Variants in GRM3 observed in about 807,000 individuals in gnomAD.
The protein encoded by GRM3 is metabotropic glutamate receptor 3.
Under a neutral mutation model 70.5 loss-of-function variants are expected in GRM3, and 26 were observed. The observed-to-expected ratio is 0.37, with a 90% CI of 0.27 to 0.51. The LOEUF (loss-of-function observed/expected upper bound fraction) is 0.51, where lower values mean the gene tolerates loss of function less well. Ranked by LOEUF, GRM3 falls within the 20% of genes least tolerant of loss-of-function variation. The probability of loss-of-function intolerance (pLI) is 0.93; values close to 1 mark genes in which losing one functional copy is unlikely to be tolerated. For missense variants in GRM3, 859 were observed against 1,123.8 expected, an observed-to-expected ratio of 0.76 and a Z score of 3.37; for synonymous variants, 443 against 434.9, an observed-to-expected ratio of 1.02 and a Z score of -0.23.
intron 3 of GRM3, among the ~76,000 whole-genome samples, chr7:86,825,424 TA>T (rs1047097819): frequency 1.8e-4 from 27 of 152,326 alleles, no homozygotes; most frequent in Admixed American, 5.9e-4. Flanking sequence ...TGTGGTTCAA[TA>T]AGGCAGCCTT....
At chr7:86,822,999 G>T (rs967177627) in intron 3 of GRM3, among the ~76,000 whole-genome samples, 1 of 152,080 alleles carries the variant, frequency 6.6e-6, no homozygotes, top group Admixed American at 6.6e-5. Context: ...AATGCAACAG[G>T]AGAGCCACTG....
chr7:86,809,913 A>G (rs966316628), intron 3 of GRM3, among the ~76,000 whole-genome samples: 1 of 152,126 alleles, frequency 6.6e-6, no homozygotes, highest in Non-Finnish European at 1.5e-5. Flanking sequence ...CAAACAAACA[A>G]TGCTTCTTAA....
chr7:86,712,279 T>C (rs938713723), intron 1 of GRM3, among the ~76,000 whole-genome samples: 1 of 152,024 alleles, frequency 6.6e-6, no homozygotes, highest in Admixed American at 6.6e-5. Context: ...GTACTTTCTG[T>C]TTGCTGCCAT....
At chr7:86,764,924 T>G in intron 1 of GRM3, 82 bp from the exon 2 acceptor site, 1 of 971,104 alleles carries the variant, frequency 1.0e-6, no homozygotes, top group Non-Finnish European at 1.4e-6. Context: ...AGTCATCCCA[T>G]TAAAGGTCTG....
intron 1 of GRM3, among the ~76,000 whole-genome samples, chr7:86,655,400 G>C (rs1033105879): frequency 6.6e-6 from 1 of 152,118 alleles, no homozygotes; most frequent in Non-Finnish European, 1.5e-5. Context: ...GTAACAGGTA[G>C]GTAGATCAGT....
chr7:86,847,929 A>G (rs896187122), intron 4 of GRM3, among the ~76,000 whole-genome samples: 2 of 152,168 alleles, frequency 1.3e-5, no homozygotes, highest in African/African-American at 4.8e-5. Flanking sequence ...TGGTGCACAA[A>G]CTATGATAAA....
intron 2 of GRM3, among the ~76,000 whole-genome samples, chr7:86,776,241 C>G (rs1328977134): frequency 2.0e-5 from 3 of 152,082 alleles, no homozygotes; most frequent in Non-Finnish European, 2.9e-5. Context: ...CTATCCTTTT[C>G]TTTTGACAGA....
intron 1 of GRM3, among the ~76,000 whole-genome samples, chr7:86,671,344 C>T (rs1486749339): frequency 6.6e-6 from 1 of 152,110 alleles, no homozygotes; most frequent in Non-Finnish European, 1.5e-5. Context: ...GATGTTTGTC[C>T]TGTCAGATTT....
At position 86,826,042 on chromosome 7, in the gene GRM3, CTTTG is replaced by C. The variant is rs377054011; in HGVS notation, c.1325-12792_1325-12789del. On this transcript the variant is annotated intron_variant, in intron 3 of 5. Coordinates refer to ENST00000361669, the MANE Select transcript of GRM3 (RefSeq NM_000840.3). ...GTCATGGATATGCATTTCTAGCCAACTTTGTTTGGGGAAAGCCTTTTTGCCCCTT... is the reference window on the plus strand; with the variant it reads ...GTCATGGATATGCATTTCTAGCCAACTTTGGGGAAAGCCTTTTTGCCCCTT... Among the ~76,000 whole-genome samples, 757 of 152,256 alleles carry C rather than the reference CTTTG, an allele frequency of 5.0e-3. 8 individuals are homozygous for C. The highest frequency in any genetic ancestry group is 0.019 in the South Asian group (94 of 4,824).
At chr7:86,664,908 C>T (rs1793986609) in intron 1 of GRM3, among the ~76,000 whole-genome samples, 1 of 151,994 alleles carries the variant, frequency 6.6e-6, no homozygotes, top group Admixed American at 6.6e-5. Flanking sequence ...TTCTGGCCAG[C>T]ATTATTCAAA....
chr7:86,684,866 C>T (rs532166187), intron 1 of GRM3, among the ~76,000 whole-genome samples: 3 of 152,288 alleles, frequency 2.0e-5, no homozygotes, highest in African/African-American at 7.2e-5. Context: ...TTTATTAGAC[C>T]TCCCTGTGCC....
At position 86,823,433 on chromosome 7, in the gene GRM3, C is replaced by T. The variant is rs183797228; in HGVS notation, c.1325-15406C>T. Among the ~76,000 whole-genome samples, 329 of 152,096 alleles carry T rather than the reference C, an allele frequency of 2.2e-3. 2 individuals carry two copies. The highest frequency in any genetic ancestry group is 7.4e-3 in the African/African-American group (308 of 41,476). On this transcript the variant is annotated intron_variant, in intron 3 of 5. Coordinates refer to ENST00000361669, the MANE Select transcript of GRM3 (RefSeq NM_000840.3). ...CAACTCCAATTTAAAAGAAAACAAACTTGAAATTTGAATGCTGCCACTAAA... is the reference window on the plus strand; with the variant it reads ...CAACTCCAATTTAAAAGAAAACAAATTTGAAATTTGAATGCTGCCACTAAA...
chr7:86,864,100 G>A (rs1452334763), intron 5 of GRM3, among the ~76,000 whole-genome samples, 182 bp from the exon 6 acceptor site: 2 of 148,872 alleles, frequency 1.3e-5, no homozygotes, highest in Non-Finnish European at 1.5e-5. Flanking sequence ...GTGGTGATGT[G>A]TGAGATTTTG....
intron 1 of GRM3, among the ~76,000 whole-genome samples, chr7:86,667,809 A>G (rs1794064555): frequency 6.6e-6 from 1 of 152,168 alleles, no homozygotes; most frequent in African/African-American, 2.4e-5. Context: ...ACAAAGGCAC[A>G]AAATCCTGTA....
intron 5 of GRM3, among the ~76,000 whole-genome samples, chr7:86,863,099 C>T (rs933333352): frequency 1.3e-5 from 2 of 152,084 alleles, no homozygotes; most frequent in Non-Finnish European, 2.9e-5. Context: ...TGTAATGGAA[C>T]ACCATCTCTT....
At chr7:86,722,167 C>T (rs1795482205) in intron 1 of GRM3, among the ~76,000 whole-genome samples, 1 of 152,056 alleles carries the variant, frequency 6.6e-6, no homozygotes, top group East Asian at 1.9e-4. Flanking sequence ...CCACCAGCAA[C>T]TTTGATTCAT....
chr7:86,658,338 G>A (rs1167668527), intron 1 of GRM3, among the ~76,000 whole-genome samples: 4 of 152,086 alleles, frequency 2.6e-5, no homozygotes, highest in East Asian at 1.9e-4. Flanking sequence ...CATGTGTGTC[G>A]AGATTCATGT....
intron 1 of GRM3, among the ~76,000 whole-genome samples, chr7:86,656,616 A>G (rs923217593): frequency 1.1e-4 from 16 of 151,872 alleles, no homozygotes; most frequent in African/African-American, 2.7e-4. Context: ...TTGTGAACAT[A>G]TTTGGACTAC....
intron 1 of GRM3, among the ~76,000 whole-genome samples, chr7:86,759,133 C>T (rs906480701): frequency 2.0e-5 from 3 of 152,074 alleles, no homozygotes; most frequent in African/African-American, 4.8e-5. Context: ...CTCTATTCTG[C>T]CCCGTCCTTC....
Sources: allele counts gnomAD v4.1 joint callset (sites outside exome capture counted in the v4.1 genomes callset), GRCh38; gene constraint gnomAD v4.1.1; transcripts MANE v1.5; gene names NCBI Gene and HGNC (gene_info 2026-07-23, HGNC 2026-07-21).